ROR2: variants seen among roughly 807,000 people sequenced by gnomAD.
The protein encoded by ROR2 is tyrosine-protein kinase transmembrane receptor ROR2.
In ROR2, 33 loss-of-function variants were observed where a neutral mutation model predicts 74.9. That is an observed-to-expected ratio of 0.44 (90% CI 0.33 to 0.59). The LOEUF (loss-of-function observed/expected upper bound fraction) is 0.59. ROR2 is among the 20% of genes least tolerant of loss of function. The pLI is 0.02. For synonymous variants in ROR2, 586 were observed against 558.7 expected (o/e 1.05, Z -0.69); for missense variants, 1,216 against 1,313.8 (o/e 0.93, Z 1.15).
intron 1 of ROR2, among the ~76,000 whole-genome samples, chr9:91,907,000 G>A (rs1186410525): frequency 6.6e-6 from 1 of 152,100 alleles, no homozygotes; most frequent in African/African-American, 2.4e-5. Flanking sequence ...TCCACCCCCA[G>A]CACACTTTAC....
chr9:91,936,838 G>A (rs1308733719), intron 1 of ROR2, among the ~76,000 whole-genome samples: 1 of 151,292 alleles, frequency 6.6e-6, no homozygotes, highest in Non-Finnish European at 1.5e-5. Flanking sequence ...AGACCATCCC[G>A]GCTAAAACGG....
chr9:91,916,973 C>T (rs553499537), intron 1 of ROR2, among the ~76,000 whole-genome samples: 4 of 152,082 alleles, frequency 2.6e-5, no homozygotes, highest in South Asian at 2.1e-4. Context: ...CTCTGCTTTT[C>T]CTTGCTTATT....
chr9:91,853,608 T>G (rs571516582), intron 1 of ROR2, among the ~76,000 whole-genome samples: 1 of 152,242 alleles, frequency 6.6e-6, no homozygotes, highest in Non-Finnish European at 1.5e-5. Flanking sequence ...TGACAGGCAG[T>G]GCTCCTGAGA....
At chr9:91,944,642 G>A (rs117767190) in intron 1 of ROR2, among the ~76,000 whole-genome samples, 7,236 of 152,162 alleles carry the variant, frequency 0.048, 232 homozygotes, top group Middle Eastern at 0.068. Flanking sequence ...AAATACTCAG[G>A]AATAGATTTA....
chr9:91,740,505 A>T (rs1372138706), intron 4 of ROR2, among the ~76,000 whole-genome samples: 2 of 150,260 alleles, frequency 1.3e-5, no homozygotes, highest in Non-Finnish European at 2.9e-5. Flanking sequence ...TGAGCCGAGA[A>T]TACGCCACTG....
rs564592027 is a variant in ROR2, at chr9:91,886,172, G to A, written c.97+63695C>T. Among the ~76,000 whole-genome samples the A allele has an allele frequency of 1.1e-4, 16 of 152,062 alleles. 1 individual carries two copies. Among genetic ancestry groups the A allele is most frequent in the Non-Finnish European group, 1.5e-5 (1 of 68,010 alleles). ...ATTACAGGCATGAGCTACCGCCCCCGGCCATGGTTACTTTTTAAAAGGCGC... is the reference window on the plus strand; with the variant it reads ...ATTACAGGCATGAGCTACCGCCCCCAGCCATGGTTACTTTTTAAAAGGCGC... On this transcript the variant is annotated intron_variant, in intron 1 of 8. Coordinates refer to ENST00000375708, the MANE Select transcript of ROR2 (RefSeq NM_004560.4).
At chr9:91,901,003 C>T (rs142023379) in intron 1 of ROR2, among the ~76,000 whole-genome samples, 404 of 152,210 alleles carry the variant, frequency 2.7e-3, no homozygotes, top group Middle Eastern at 0.014. Flanking sequence ...ATGTGTACTA[C>T]GAGGAAGCTG....
At chr9:91,934,108 C>CGGGG (rs143267816) in intron 1 of ROR2, among the ~76,000 whole-genome samples, 1 of 151,844 alleles carries the variant, frequency 6.6e-6, no homozygotes, top group Admixed American at 6.6e-5. Context: ...TTTATGGATG[C>CGGGG]GGGGGGGCGA....
At chr9:91,845,060 A>C (rs1828886723) in intron 1 of ROR2, among the ~76,000 whole-genome samples, 1 of 152,224 alleles carries the variant, frequency 6.6e-6, no homozygotes, top group Non-Finnish European at 1.5e-5. Flanking sequence ...GGTGGCCTGT[A>C]AGGGGAGGGG....
chr9:91,899,276 C>T (rs768655554), intron 1 of ROR2, among the ~76,000 whole-genome samples: 1 of 152,194 alleles, frequency 6.6e-6, no homozygotes, highest in Non-Finnish European at 1.5e-5. Flanking sequence ...CTGCAAAGGG[C>T]GACTGCAGAC....
chr9:91,934,217 G>A (rs897547959), intron 1 of ROR2, among the ~76,000 whole-genome samples: 10 of 152,036 alleles, frequency 6.6e-5, no homozygotes, highest in African/African-American at 2.4e-4. Context: ...TTTTAGTTTT[G>A]GTTTTTTCTT....
At chr9:91,826,254 T>C (rs527975323) in intron 1 of ROR2, among the ~76,000 whole-genome samples, 3 of 152,308 alleles carry the variant, frequency 2.0e-5, no homozygotes, top group Admixed American at 2.0e-4. Flanking sequence ...TGGTGCGGCA[T>C]AGTGAACATT....
chr9:91,840,122 A>G (rs1455998390), intron 1 of ROR2, among the ~76,000 whole-genome samples: 1 of 152,066 alleles, frequency 6.6e-6, no homozygotes, highest in Non-Finnish European at 1.5e-5. Flanking sequence ...TGGCTGCTTA[A>G]GGGGCACTCC....
chr9:91,881,828 G>A (rs1830119670), intron 1 of ROR2, among the ~76,000 whole-genome samples: 1 of 152,186 alleles, frequency 6.6e-6, no homozygotes, highest in Admixed American at 6.5e-5. Flanking sequence ...CTGAGATGAA[G>A]AAGGATGAGG....
intron 1 of ROR2, among the ~76,000 whole-genome samples, chr9:91,897,584 TG>T (rs1830566749): frequency 7.6e-6 from 1 of 131,638 alleles, no homozygotes; most frequent in South Asian, 2.8e-4. Context: ...GTATTCCAGG[TG>T]GGGGGAACCA....
intron 1 of ROR2, among the ~76,000 whole-genome samples, chr9:91,814,125 T>C (rs750492091): frequency 6.6e-6 from 1 of 152,046 alleles, no homozygotes; most frequent in Non-Finnish European, 1.5e-5. Flanking sequence ...GAGGTCGAGG[T>C]TGCAGTGAGC....
chr9:91,942,922 T>A (rs1831914457), intron 1 of ROR2, among the ~76,000 whole-genome samples: 1 of 152,170 alleles, frequency 6.6e-6, no homozygotes, highest in Non-Finnish European at 1.5e-5. Context: ...GGAGAATACA[T>A]TTCTGGTTTT....
chr9:91,889,034 C>T (rs1263895876), intron 1 of ROR2, among the ~76,000 whole-genome samples: 1 of 152,128 alleles, frequency 6.6e-6, no homozygotes, highest in Non-Finnish European at 1.5e-5. Flanking sequence ...ACAGAATAAC[C>T]TCATTTGGAA....
chr9:91,733,420 G>C lies in ROR2; in HGVS notation c.639C>G (p.Ile213Met). 6.2e-7 allele frequency: 1 copy of C among 1,611,092 alleles called. No homozygotes were observed. Among genetic ancestry groups the C allele is most frequent in the Admixed American group, 1.7e-5 (1 of 60,018 alleles). Residue 213 changes from isoleucine (I) to methionine (M), a missense_variant, in exon 6 of 9, where the codon ATC becomes ATG. By Grantham distance (10) the Ile-to-Met change is conservative (BLOSUM62 1). Transcript: ENST00000375708. The surrounding 1 kb of genome is among the most constrained non-coding windows in gnomAD (Gnocchi z 5.7). ...GGTCCGACAGGTGCGTAGACGTGCC[G>C]ATCATGGTGAAGGCCGCTGCAGAGC... The part of the protein sequence containing the change: ...ENRITAAFTM[I>M]GTSTHLSDQC...
Sources: gnomAD v4.1 joint callset for allele counts (sites outside exome capture counted in the v4.1 genomes callset) on GRCh38, gnomAD v4.1.1 for gene constraint, Gnocchi (gnomAD v3.1) non-coding constraint, MANE v1.5 for transcripts, NCBI Gene and HGNC (gene_info 2026-07-23, HGNC 2026-07-21) for gene names.